Variants in SMARCC2 observed in about 807,000 individuals in gnomAD.
SMARCC2 encodes the protein SWI/SNF complex subunit SMARCC2.
Under a neutral mutation model 151.3 loss-of-function variants are expected in SMARCC2, and 15 were observed. That is an observed-to-expected ratio of 0.10 (90% CI 0.07 to 0.15). SMARCC2 has a LOEUF of 0.15. Ranked by LOEUF, SMARCC2 falls within the 10% of genes least tolerant of loss-of-function variation. The pLI is 1.00. For missense variants in SMARCC2, 1,031 were observed against 1,599.7 expected (o/e 0.64, Z 6.06); for synonymous variants, 590 against 609.5 (o/e 0.97, Z 0.47).
rs766415937 is a variant in SMARCC2 at position 56,189,331 on chromosome 12, G to A, written c.111+20C>T. 1.4e-6 allele frequency: 2 copies of A among 1,450,278 alleles called. No homozygotes were observed. Among genetic ancestry groups the A allele is most frequent in the Non-Finnish European group, 1.9e-6 (2 of 1,074,128 alleles). The allele number at this position is 1,450,278 out of a possible 1,614,324, so 89.8% of individuals were successfully genotyped here. ...TTGTCCCGCCCCCGGTCCCCGCGCG[G>A]CCCGGCCCGGCCCGCGTACCTTCTT... On this transcript the variant is annotated intron_variant, in intron 1 of 28. Transcript: ENST00000550164.
rs772128433 is a variant in SMARCC2, at chr12:56,170,219, G to A, written c.2348-11C>T. On this transcript the variant is annotated splice_polypyrimidine_tract_variant and intron_variant, in intron 22 of 28. Transcript: ENST00000550164. The stretch of plus-strand genomic sequence containing the variant: ...CATTCCCGCTCTCCTCTGGGCCCAT[G>A]AGAAAAGAAAGAAAACAGGAAATGT... 37 of 1,611,628 alleles carry A rather than the reference G, an allele frequency of 2.3e-5. 2 individuals are homozygous for A. The South Asian group carries it at 3.8e-4, about 17-fold the overall frequency.
Position 56,172,568 on chromosome 12 carries a change from C to T in SMARCC2, c.1863+17G>A, listed in dbSNP as rs777723280. On this transcript the variant is annotated intron_variant, in intron 19 of 28. Coordinates refer to ENST00000550164, the MANE Select transcript of SMARCC2 (RefSeq NM_001330288.2). Reference sequence around the variant, plus strand: ...AGCGAACATTCTCTACCCCTAGAGTCGGCCCGCACCTCCTACCTTGGAGGG... The same window carrying T: ...AGCGAACATTCTCTACCCCTAGAGTTGGCCCGCACCTCCTACCTTGGAGGG... 5.6e-6 allele frequency: 9 copies of T among 1,613,952 alleles called. No individual in the cohort carries two copies. Among genetic ancestry groups the T allele is most frequent in the Middle Eastern group, 1.6e-4 (1 of 6,084 alleles).
rs1451286231 is a variant in SMARCC2, at chr12:56,183,896, C to T, written c.597G>A (p.Lys199=). 1 of 1,613,558 alleles carries T rather than the reference C, an allele frequency of 6.2e-7. No homozygotes were observed. Among genetic ancestry groups the T allele is most frequent in the Admixed American group, 1.7e-5 (1 of 59,982 alleles). Residue 199 remains lysine, a synonymous_variant, in exon 7 of 29, where the codon AAG becomes AAA. Transcript: ENST00000550164. ...AGTAGCCCCAGTGCAGAAGAACCTG[C>T]TTATCCCTCTTCATGACTGGTCGTA... is the stretch of plus-strand genomic sequence containing the variant. ...EWVRPVMKRD[K]QVLLHWGYYP...
chr12:56,178,630 T>TG, intron 13 of SMARCC2, 96 bp from the exon 14 acceptor site: 1 of 1,566,710 alleles, frequency 6.4e-7, no homozygotes. Context: ...ACACTAAAGA[T>TG]GGGTGATGGG....
In SMARCC2 at chr12:56,169,609, T is replaced by C; in HGVS notation, c.2635A>G (p.Lys879Glu). 3.7e-6 allele frequency: 6 copies of C among 1,614,036 alleles called. No homozygotes were observed. The highest frequency in any genetic ancestry group is 5.1e-6 in the Non-Finnish European group (6 of 1,179,964). The change falls in exon 25 of 29, where the codon AAG (lysine) becomes GAG (glutamate). Residue 879 changes from lysine to glutamate, a missense_variant. Physicochemically the swap from Lys to Glu is moderately conservative, Grantham distance 56. This residue lies in a region of SMARCC2 where 119 missense variants were observed against 184.2 expected (regional missense o/e 0.65). Transcript: ENST00000550164. The stretch of plus-strand genomic sequence containing the variant: ...CCCTCGCCAATGTCCCGCTCCACCT[T>C]TGTCTTCCTTTCCCCCTCAGACTCC... ...VVESEGERKT[K>E]VERDIGEGNL...
At position 56,181,513 on chromosome 12, in the gene SMARCC2, G is replaced by A. The variant is rs977626363; in HGVS notation, c.925C>T (p.Pro309Ser). 6.4e-7 allele frequency: 1 copy of A among 1,558,110 alleles called. No homozygotes were observed. Among genetic ancestry groups the A allele is most frequent in the Admixed American group, 2.0e-5 (1 of 48,960 alleles). Reference protein sequence around the residue: ...RKRSPSPSPTPEAKKKNAKKG... With the variant: ...RKRSPSPSPTSEAKKKNAKKG... ...TTAGCATTTTTCTTCTTTGCTTCTGGGGTTGGTGAAGGAGAGGGGGAGCGC... is the reference window on the plus strand; with the variant it reads ...TTAGCATTTTTCTTCTTTGCTTCTGAGGTTGGTGAAGGAGAGGGGGAGCGC... Residue 309 changes from proline to serine, a missense_variant, in exon 10 of 29, where the codon CCA becomes TCA. This residue lies in a region of SMARCC2 where 127 missense variants were observed against 141.7 expected (regional missense o/e 0.90). Transcript: ENST00000550164.
chr12:56,172,892 T>C, intron 18 of SMARCC2, 45 bp downstream of exon 18: 1 of 1,601,060 alleles, frequency 6.2e-7, no homozygotes. Flanking sequence ...GGCCCCCCAA[T>C]AAAGGGGAAA....
chr12:56,188,790 G>A (rs1320311544), intron 1 of SMARCC2, among the ~76,000 whole-genome samples: 2 of 152,188 alleles, frequency 1.3e-5, no homozygotes, highest in African/African-American at 4.8e-5. Flanking sequence ...CTTAGATGAA[G>A]GTGGGGGATG....
rs1872076845 is a variant in SMARCC2, at chr12:56,162,943, T to A, written c.*746A>T. 6.6e-6 allele frequency: 1 copy of A among 152,202 alleles called. No individual in the cohort carries two copies. Among genetic ancestry groups the A allele is most frequent in the Non-Finnish European group, 1.5e-5 (1 of 68,078 alleles). The allele number at this position is 152,202 out of a possible 1,614,324, so 9.4% of individuals were successfully genotyped here. On this transcript the variant is annotated 3_prime_UTR_variant, in exon 29 of 29. Transcript: ENST00000550164. ...TACCTACCACAGAAATCCCCGAAAT[T>A]AGGTTTTCCCCACCAAATACACATA... is the stretch of plus-strand genomic sequence containing the variant.
chr12:56,186,126 T>C (rs759813768), intron 3 of SMARCC2, 29 bp downstream of exon 3: 3 of 1,446,002 alleles, frequency 2.1e-6, no homozygotes, highest in Admixed American at 1.7e-5. Flanking sequence ...CTAAACTAAA[T>C]ATAAGAAGAA....
intron 27 of SMARCC2, 73 bp downstream of exon 27, chr12:56,165,245 T>C: frequency 1.4e-6 from 2 of 1,424,376 alleles, no homozygotes; most frequent in African/African-American, 2.9e-5. Context: ...TCATCTTGTA[T>C]CCCCTTTGAG....
rs767670571 is a variant in SMARCC2, at chr12:56,164,541, G to T, written c.3423C>A (p.Leu1141=). ...GCCCATGCAGGTTAGGAGGAGCGGG[G>T]AGGTTAATACTGATGGAGTCAGCTA... ...GSLADSISIN[L]PAPPNLHGHH... is the part of the protein sequence containing the mutation. Residue 1141 remains leucine (L), a synonymous_variant, in exon 28 of 29, where the codon CTC becomes CTA. Transcript: ENST00000550164. 6.2e-7 allele frequency: 1 copy of T among 1,614,184 alleles called. No individual in the cohort carries two copies. The highest frequency in any genetic ancestry group is 8.5e-7 in the Non-Finnish European group (1 of 1,180,026).
intron 13 of SMARCC2, 52 bp downstream of exon 13, chr12:56,178,758 A>G: frequency 6.3e-7 from 1 of 1,581,122 alleles, no homozygotes; most frequent in Non-Finnish European, 8.7e-7. Context: ...GAACTTTATA[A>G]TCACAAATCA....
intron 15 of SMARCC2, 141 bp downstream of exon 15, chr12:56,177,881 T>G: frequency 1.6e-6 from 1 of 622,066 alleles, no homozygotes; most frequent in South Asian, 2.0e-5. Context: ...AGGCAGATAT[T>G]GTGCCTTTGT....
chr12:56,178,166 C>T (rs1875403281), intron 14 of SMARCC2, 73 bp from the exon 15 acceptor site: 1 of 1,250,698 alleles, frequency 8.0e-7, no homozygotes, highest in African/African-American at 1.5e-5. Flanking sequence ...GGAGGAAAAG[C>T]CTAGAAGGCA....
In SMARCC2 at chr12:56,181,561, C is replaced by A. The variant is rs766951588; in HGVS notation, c.877G>T (p.Gly293Trp). The A allele has an allele frequency of 7.5e-6, 12 of 1,590,016 alleles. No homozygotes were observed. Among genetic ancestry groups the A allele is most frequent in the South Asian group, 3.5e-5 (3 of 86,916 alleles). Residue 293 changes from glycine (G) to tryptophan (W), a missense_variant, in exon 10 of 29, where the codon GGG becomes TGG. This residue lies in a region of SMARCC2 where 127 missense variants were observed against 141.7 expected (regional missense o/e 0.90). Coordinates refer to ENST00000550164, the MANE Select transcript of SMARCC2 (RefSeq NM_001330288.2). The stretch of plus-strand genomic sequence containing the variant: ...CGCTTCCTCTTCTTATAGTTTCCCC[C>A]CTTCTTGTCCCGTCGATCTGAATCT... ...SPDSDRRDKK[G>W]GNYKKRKRSP...
intron 26 of SMARCC2, among the ~76,000 whole-genome samples, chr12:56,167,818 G>C (rs1399019474): frequency 6.6e-6 from 1 of 151,816 alleles, no homozygotes; most frequent in Non-Finnish European, 1.5e-5. Flanking sequence ...CTCCTGCCCT[G>C]TTCCTGCCCT....
At position 56,170,150 on chromosome 12, in the gene SMARCC2, C is replaced by T. The variant is rs766284632; in HGVS notation, c.2406G>A (p.Glu802=). The change falls in exon 23 of 29, where the codon GAG becomes GAA. Residue 802 remains glutamate (E), a synonymous_variant. Coordinates refer to ENST00000550164, the MANE Select transcript of SMARCC2 (RefSeq NM_001330288.2). ...VEGQATDEKK[E]PKEPREGGGA... ...TCCAGAAATCCCTCTATACCTTGGG[C>T]TCCTTCTTCTCATCTGTGGCCTGGC... The T allele has an allele frequency of 1.2e-6, 2 of 1,612,836 alleles. No individual in the cohort carries two copies. The highest frequency in any genetic ancestry group is 2.2e-5 in the East Asian group (1 of 44,880).
intron 25 of SMARCC2, among the ~76,000 whole-genome samples, chr12:56,168,633 C>T (rs1336216908): frequency 6.6e-6 from 1 of 152,040 alleles, no homozygotes; most frequent in Non-Finnish European, 1.5e-5. Flanking sequence ...CTCAGCCTCC[C>T]AAAGTCCTGG....
Sources: gnomAD v4.1 joint callset for allele counts (sites outside exome capture counted in the v4.1 genomes callset) on GRCh38, gnomAD v4.1.1 for gene constraint, gnomAD v4.1.1 regional missense constraint, MANE v1.5 for transcripts, NCBI Gene and HGNC (gene_info 2026-07-23, HGNC 2026-07-21) for gene names.